The following SYN3 variants were observed in gnomAD, a reference collection of about 807,000 sequenced individuals.
SYN3 encodes the protein synapsin-3.
SYN3 carries 35 observed loss-of-function variants against 65.8 expected under a neutral mutation model. That is an observed-to-expected ratio of 0.53 (90% CI 0.41 to 0.70). SYN3 has a LOEUF of 0.70. SYN3 is among the 30% of genes least tolerant of loss of function. The pLI is 0.00. For missense variants in SYN3, 680 were observed against 749.0 expected (o/e 0.91, Z 1.08); for synonymous variants, 270 against 292.9 (o/e 0.92, Z 0.80).
intron 3 of SYN3, among the ~76,000 whole-genome samples, chr22:32,951,695 C>T (rs2146828528): frequency 6.6e-6 from 1 of 152,358 alleles, no homozygotes; most frequent in East Asian, 1.9e-4. Context: ...CCCAGGCCAA[C>T]ATGCTTCACA....
At chr22:32,578,297 A>C (rs1330588881) in intron 7 of SYN3, among the ~76,000 whole-genome samples, 1 of 149,262 alleles carries the variant, frequency 6.7e-6, no homozygotes, top group African/African-American at 2.5e-5. Context: ...CCTAGGCTGG[A>C]GTGCAGTGGC....
intron 7 of SYN3, among the ~76,000 whole-genome samples, chr22:32,547,205 G>C (rs2058348675): frequency 6.6e-6 from 1 of 151,980 alleles, no homozygotes; most frequent in South Asian, 2.1e-4. Flanking sequence ...GGCTGGTCTT[G>C]AACACGTAGG....
chr22:32,527,979 G>A lies in SYN3; in HGVS notation c.1257C>T (p.Ser419=). Residue 419 remains serine, a synonymous_variant, in exon 12 of 14, where the codon TCC becomes TCT. Coordinates refer to ENST00000358763, the MANE Select transcript of SYN3 (RefSeq NM_003490.4). ...PWAPQIKSAK[S]PGQAQLGPQL... ...GAGGCCCCAGCTGGGCTTGCCCTGG[G>A]GATTTCGCTGATTTAATCTGTGGAG... The A allele has an allele frequency of 6.3e-7, 1 of 1,587,944 alleles. No homozygotes were observed. The highest frequency in any genetic ancestry group is 1.1e-5 in the South Asian group (1 of 87,446).
chr22:32,771,516 C>T (rs777123527), intron 6 of SYN3, among the ~76,000 whole-genome samples: 1 of 152,198 alleles, frequency 6.6e-6, no homozygotes. Flanking sequence ...CATCTACTAG[C>T]TGTCTGACAT....
At chr22:32,881,884 C>T (rs1163997909) in intron 4 of SYN3, among the ~76,000 whole-genome samples, 2 of 151,936 alleles carry the variant, frequency 1.3e-5, no homozygotes, top group Non-Finnish European at 2.9e-5. Flanking sequence ...GGTGAAACCC[C>T]GTCTCTACTA....
intron 1 of SYN3, among the ~76,000 whole-genome samples, chr22:33,033,972 G>A (rs565904000): frequency 2.0e-5 from 3 of 152,056 alleles, no homozygotes; most frequent in East Asian, 3.9e-4. Flanking sequence ...ATCACCTGAG[G>A]TTGGGAGTTC....
intron 6 of SYN3, among the ~76,000 whole-genome samples, chr22:32,643,557 CG>C (rs1172115733): frequency 5.0e-5 from 1 of 19,918 alleles, no homozygotes; most frequent in Admixed American, 7.8e-4. Context: ...GGTGGGGGGG[CG>C]GGGGGGGCAG....
At chr22:32,574,081 GT>G (rs929111036) in intron 7 of SYN3, among the ~76,000 whole-genome samples, 2 of 151,760 alleles carry the variant, frequency 1.3e-5, no homozygotes, top group African/African-American at 4.8e-5. Context: ...CTTGGCTGGG[GT>G]TTTTTTATTT....
chr22:32,618,593 G>A (rs2059553024), intron 6 of SYN3, among the ~76,000 whole-genome samples: 1 of 152,182 alleles, frequency 6.6e-6, no homozygotes, highest in South Asian at 2.1e-4. Context: ...AAAATGTGTG[G>A]CGTGCCAGAA....
intron 6 of SYN3, chr22:32,802,234 A>G: frequency 1.4e-6 from 2 of 1,451,304 alleles, no homozygotes; most frequent in South Asian, 1.3e-5. Context: ...AGAGGGGCAG[A>G]CGGGGTTGGG....
At chr22:32,786,404 G>T (rs1217865082) in intron 6 of SYN3, among the ~76,000 whole-genome samples, 1 of 150,836 alleles carries the variant, frequency 6.6e-6, no homozygotes. Flanking sequence ...TTTTGAGACA[G>T]AGTCTCACTC....
intron 6 of SYN3, among the ~76,000 whole-genome samples, chr22:32,761,708 A>G (rs909920386): frequency 2.0e-5 from 3 of 152,194 alleles, no homozygotes; most frequent in Non-Finnish European, 2.9e-5. Flanking sequence ...GGAGGCCACA[A>G]AATTCCTTTT....
At chr22:32,682,602 AC>A (rs1342039879) in intron 6 of SYN3, among the ~76,000 whole-genome samples, 1 of 152,096 alleles carries the variant, frequency 6.6e-6, no homozygotes, top group African/African-American at 2.4e-5. Flanking sequence ...ATCTCTTTAG[AC>A]CCCATCTGAT....
At chr22:32,566,520 A>G (rs1054561824) in intron 7 of SYN3, among the ~76,000 whole-genome samples, 2 of 152,170 alleles carry the variant, frequency 1.3e-5, no homozygotes, top group Non-Finnish European at 2.9e-5. Flanking sequence ...CCTGAAAGTG[A>G]CGTAAAGTTT....
At chr22:33,008,962 A>AAAG (rs1569401605) in intron 1 of SYN3, among the ~76,000 whole-genome samples, 5 of 99,588 alleles carry the variant, frequency 5.0e-5, no homozygotes, top group Admixed American at 2.5e-4. Context: ...AAAAAAAAAA[A>AAAG]AGAGAGAGAG....
chr22:32,602,879 A>G (rs1271487677), intron 6 of SYN3, among the ~76,000 whole-genome samples: 1 of 152,162 alleles, frequency 6.6e-6, no homozygotes, highest in Non-Finnish European at 1.5e-5. Flanking sequence ...GACTTCATTA[A>G]ACATCTTTGT....
intron 6 of SYN3, among the ~76,000 whole-genome samples, chr22:32,677,755 C>T (rs1411948664): frequency 4.0e-5 from 6 of 151,864 alleles, no homozygotes; most frequent in African/African-American, 9.7e-5. Flanking sequence ...GAGCCGACAT[C>T]GCACCACTGC....
intron 4 of SYN3, among the ~76,000 whole-genome samples, chr22:32,902,473 T>G (rs975755871): frequency 2.6e-5 from 4 of 152,198 alleles, no homozygotes; most frequent in African/African-American, 9.6e-5. Context: ...AGGAAGCCAT[T>G]TGAAATACCT....
At chr22:32,620,883 C>G (rs1569098185) in intron 6 of SYN3, among the ~76,000 whole-genome samples, 2 of 150,680 alleles carry the variant, frequency 1.3e-5, no homozygotes, top group Admixed American at 6.6e-5. Context: ...CCAAGTCCAG[C>G]TAAGTTTTGT....
Sources: gnomAD v4.1 joint callset for allele counts (sites outside exome capture counted in the v4.1 genomes callset) on GRCh38, gnomAD v4.1.1 for gene constraint, MANE v1.5 for transcripts, NCBI Gene and HGNC (gene_info 2026-07-23, HGNC 2026-07-21) for gene names.